TMEM64: variants seen among roughly 807,000 people sequenced by gnomAD.
TMEM64 encodes transmembrane protein 64.
Under a neutral mutation model 24.5 loss-of-function variants are expected in TMEM64, and 19 were observed. That is an observed-to-expected ratio of 0.78 (90% confidence interval 0.54 to 1.14). TMEM64 has a LOEUF of 1.14. Among genes scored for constraint, TMEM64 ranks in the 50% most tolerant of loss-of-function variants. The pLI is 0.00. For synonymous variants in TMEM64, 262 were observed against 224.7 expected (o/e 1.17, Z -1.49); for missense variants, 487 against 493.0 (o/e 0.99, Z 0.12).
intron 2 of TMEM64, among the ~76,000 whole-genome samples, chr8:90,631,179 AATAAG>A (rs1344377641): frequency 1.3e-5 from 2 of 152,226 alleles, no homozygotes; most frequent in Admixed American, 6.5e-5. Context: ...TTTGAATATA[AATAAG>A]ATAAGCACTC....
intron 2 of TMEM64, among the ~76,000 whole-genome samples, chr8:90,627,545 T>C (rs192596062): frequency 9.2e-5 from 14 of 152,046 alleles, no homozygotes; most frequent in Admixed American, 2.6e-4. Context: ...CTCTTAGATA[T>C]CCAAAAAAGT....
At chr8:90,635,471 T>C (rs1809505281) in intron 1 of TMEM64, among the ~76,000 whole-genome samples, 1 of 152,024 alleles carries the variant, frequency 6.6e-6, no homozygotes, top group Non-Finnish European at 1.5e-5. Flanking sequence ...AAGTACAGAA[T>C]ATATTCATAA....
chr8:90,633,901 T>G (rs1298345096), intron 1 of TMEM64, among the ~76,000 whole-genome samples: 1 of 152,224 alleles, frequency 6.6e-6, no homozygotes, highest in African/African-American at 2.4e-5. Flanking sequence ...GGGCTATCTG[T>G]TGTCTATTAT....
intron 2 of TMEM64, among the ~76,000 whole-genome samples, chr8:90,627,891 G>C (rs1018772335): frequency 3.9e-5 from 6 of 152,160 alleles, no homozygotes; most frequent in African/African-American, 1.2e-4. Flanking sequence ...CTACTAACAG[G>C]TCAAGCTAGA....
At chr8:90,626,339 A>AT (rs764857972) in intron 2 of TMEM64, among the ~76,000 whole-genome samples, 2 of 152,260 alleles carry the variant, frequency 1.3e-5, no homozygotes, top group Non-Finnish European at 2.9e-5. Context: ...AATTAAAAGT[A>AT]TTACAGACCA....
At chr8:90,637,642 C>T (rs1008203816) in intron 1 of TMEM64, among the ~76,000 whole-genome samples, 2 of 151,948 alleles carry the variant, frequency 1.3e-5, no homozygotes, top group Admixed American at 6.5e-5. Flanking sequence ...TCATGAATCC[C>T]TATGACTGTT....
chr8:90,645,677 C>T lies in TMEM64; in HGVS notation c.229G>A (p.Glu77Lys). Residue 77 changes from glutamate to lysine, a missense_variant, in exon 1 of 3, where the codon GAG becomes AAG. Coordinates refer to ENST00000458549, the MANE Select transcript of TMEM64 (RefSeq NM_001008495.4). This position sits in a 1 kb window ranked among gnomAD's most constrained non-coding sequence, Gnocchi z 4.2. ...CCCGGCTCCGGCAGCTCCGAAGCCTCGGGCGGACCGTGGCGCTCCAGATAG... is the reference window on the plus strand; with the variant it reads ...CCCGGCTCCGGCAGCTCCGAAGCCTTGGGCGGACCGTGGCGCTCCAGATAG... Reference protein sequence around the residue: ...GAYLERHGPPEASELPEPGGA... With the variant: ...GAYLERHGPPKASELPEPGGA... 1 of 1,495,052 alleles carries T rather than the reference C, an allele frequency of 6.7e-7. No individual in the cohort carries two copies. Among genetic ancestry groups the T allele is most frequent in the Admixed American group, 2.3e-5 (1 of 44,424 alleles). 92.6% of individuals were successfully genotyped at this position (1,495,052 alleles called of 1,614,324 possible).
intron 1 of TMEM64, among the ~76,000 whole-genome samples, chr8:90,640,913 C>T (rs749646167): frequency 6.6e-6 from 1 of 152,132 alleles, no homozygotes; most frequent in Non-Finnish European, 1.5e-5. Flanking sequence ...TGGTAACATT[C>T]AATTCTATAA....
At chr8:90,631,425 A>G (rs1335891276) in intron 2 of TMEM64, 127 bp downstream of exon 2, 1 of 795,154 alleles carries the variant, frequency 1.3e-6, no homozygotes, top group African/African-American at 1.7e-5. Context: ...TAGTAATGAA[A>G]GAACCAAGAA....
At chr8:90,642,811 C>A (rs1284099055) in intron 1 of TMEM64, among the ~76,000 whole-genome samples, 1 of 152,178 alleles carries the variant, frequency 6.6e-6, no homozygotes, top group Non-Finnish European at 1.5e-5. Flanking sequence ...TGGGTTCAAA[C>A]CCTAGCTCAG....
At chr8:90,641,974 A>G (rs1168773856) in intron 1 of TMEM64, among the ~76,000 whole-genome samples, 1 of 152,208 alleles carries the variant, frequency 6.6e-6, no homozygotes, top group African/African-American at 2.4e-5. Flanking sequence ...TCAAGATGAC[A>G]CTGTAAATGT....
intron 1 of TMEM64, among the ~76,000 whole-genome samples, chr8:90,642,384 G>A (rs776082820): frequency 8.6e-5 from 13 of 151,574 alleles, no homozygotes; most frequent in Non-Finnish European, 1.8e-4. Context: ...CTAATTATGG[G>A]CACACAAAAA....
chr8:90,627,477 C>T (rs1385796301), intron 2 of TMEM64, among the ~76,000 whole-genome samples: 3 of 76,624 alleles, frequency 3.9e-5, no homozygotes, highest in African/African-American at 1.6e-4. Flanking sequence ...GGGGCGGGGG[C>T]GGGTGCTTTG....
intron 1 of TMEM64, 126 bp downstream of exon 1, chr8:90,644,985 T>A: frequency 9.5e-7 from 1 of 1,056,662 alleles, no homozygotes; most frequent in Admixed American, 2.3e-5. Context: ...TGGAAAGTAA[T>A]CGTAACTCCT....
intron 2 of TMEM64, among the ~76,000 whole-genome samples, chr8:90,628,248 G>T (rs1040403428): frequency 1.3e-4 from 20 of 152,190 alleles, no homozygotes; most frequent in African/African-American, 4.8e-4. Flanking sequence ...ATCTCTTAAT[G>T]CTAACTGGAA....
At chr8:90,631,508 G>C in intron 2 of TMEM64, 44 bp downstream of exon 2, 1 of 1,440,064 alleles carries the variant, frequency 6.9e-7, no homozygotes, top group South Asian at 1.6e-5. Flanking sequence ...CATACAAAAA[G>C]AAACAGAGAG....
chr8:90,625,425 C>A lies in TMEM64; in HGVS notation c.*246G>T, dbSNP rs1319047924. 2.9e-6 allele frequency: 1 copy of A among 350,634 alleles called. No individual in the cohort carries two copies. The highest frequency in any genetic ancestry group is 5.1e-6 in the Non-Finnish European group (1 of 194,196). The allele number at this position is 350,634 out of a possible 1,614,324, so 21.7% of individuals were successfully genotyped here. A position where few individuals can be genotyped will look rare whatever the true frequency, so the allele number is the denominator to read the frequency against. ...ACAGAAATAAAACAATTAAAAAACA[C>A]TAAAGTGCAGACCTATAGGCCAATA... On this transcript the variant is annotated 3_prime_UTR_variant, in exon 3 of 3. Coordinates refer to ENST00000458549, the MANE Select transcript of TMEM64 (RefSeq NM_001008495.4).
At chr8:90,639,920 TTAATA>T (rs1457069562) in intron 1 of TMEM64, among the ~76,000 whole-genome samples, 2 of 152,170 alleles carry the variant, frequency 1.3e-5, no homozygotes, top group Non-Finnish European at 1.5e-5. Flanking sequence ...TCTATATACA[TTAATA>T]TAACAGGCTA....
intron 1 of TMEM64, among the ~76,000 whole-genome samples, chr8:90,640,571 C>T (rs1294163094): frequency 1.3e-5 from 2 of 152,290 alleles, no homozygotes; most frequent in Middle Eastern, 3.4e-3. Flanking sequence ...GGAGCTAAGA[C>T]AGAACCAGAA....
Sources: allele counts gnomAD v4.1 joint callset (sites outside exome capture counted in the v4.1 genomes callset), GRCh38; gene constraint gnomAD v4.1.1; non-coding constraint Gnocchi (gnomAD v3.1); transcripts MANE v1.5; gene names NCBI Gene and HGNC (gene_info 2026-07-23, HGNC 2026-07-21).